XPC: variants seen among roughly 807,000 people sequenced by gnomAD.
The protein encoded by XPC is DNA repair protein complementing XP-C cells.
A neutral mutation model predicts 95.8 loss-of-function variants in XPC; 76 were observed. That is an observed-to-expected ratio of 0.79 (90% CI 0.66 to 0.96). The LOEUF is 0.96. Ranked by LOEUF, XPC falls within the 40% of genes least tolerant of loss-of-function variation. XPC has a pLI of 0.00. For synonymous variants in XPC, 442 were observed against 442.1 expected (o/e 1.00, Z 0.00); for missense variants, 1,146 against 1,179.8 (o/e 0.97, Z 0.42).
chr3:14,159,840 A>G lies in XPC; in HGVS notation c.901-10T>C, dbSNP rs1313586917. The G allele has an allele frequency of 5.2e-6, 8 of 1,550,542 alleles. No homozygotes were observed. Among genetic ancestry groups the G allele is most frequent in the Non-Finnish European group, 7.0e-6 (8 of 1,145,512 alleles). On this transcript the variant is annotated splice_polypyrimidine_tract_variant and intron_variant, in intron 7 of 15. Transcript: ENST00000285021. ...GAATCAGTAAGAATATCTATGATGA[A>G]AAGGAAGAACATAGTTATCCTAAGA...
intron 6 of XPC, 21 bp downstream of exon 6, chr3:14,165,407 A>G: frequency 6.4e-7 from 1 of 1,568,810 alleles, no homozygotes; most frequent in Non-Finnish European, 8.7e-7. Context: ...CCAGCTCTGC[A>G]GGACAAGCGG....
At chr3:14,174,560 G>A (rs1451967399) in intron 1 of XPC, among the ~76,000 whole-genome samples, 2 of 152,112 alleles carry the variant, frequency 1.3e-5, no homozygotes, top group East Asian at 1.9e-4. Flanking sequence ...GGGGATAAAG[G>A]AAACACAAAA....
rs1209221597 is a variant in XPC, at chr3:14,148,557, C to A, written c.2420+5G>T. 6 of 1,613,636 alleles carry A rather than the reference C, an allele frequency of 3.7e-6. No individual in the cohort carries two copies. Among genetic ancestry groups the A allele is most frequent in the Non-Finnish European group, 5.1e-6 (6 of 1,179,786 alleles). ...TTTAGCCTCCATCGAAGGCCCCTCA[C>A]GCACACGGGATGGGAGTAGCCGCCA... On this transcript the variant is annotated splice_donor_5th_base_variant and intron_variant, in intron 13 of 15. Coordinates refer to ENST00000285021, the MANE Select transcript of XPC (RefSeq NM_004628.5).
At chr3:14,155,268 G>A (rs889238777) in intron 10 of XPC, among the ~76,000 whole-genome samples, 3 of 152,182 alleles carry the variant, frequency 2.0e-5, no homozygotes, top group Admixed American at 6.5e-5. Flanking sequence ...GTTTCCCTAC[G>A]CTTCCTTTTT....
rs41545713 is a variant in XPC at position 14,170,547 on chromosome 3, G to A, written c.303C>T (p.Asp101=). The part of the protein sequence containing the change: ...EALSDGDDLR[D]FPSDLKKAHH... ...GTGCCTTCTTGAGGTCACTTGGAAA[G>A]TCCCTGTGTAAAGACCACAGGAAGG... Residue 101 remains aspartate (D), a synonymous_variant, in exon 3 of 16, where the codon GAC becomes GAT. Transcript: ENST00000285021. The A allele has an allele frequency of 2.1e-3, 3,406 of 1,610,506 alleles. 42 individuals carry two copies. The highest frequency in any genetic ancestry group is 0.018 in the South Asian group (1,639 of 90,492).
At chr3:14,155,126 C>T (rs1289872796) in intron 10 of XPC, among the ~76,000 whole-genome samples, 3 of 152,168 alleles carry the variant, frequency 2.0e-5, no homozygotes, top group African/African-American at 7.2e-5. Context: ...TCATGCCCCC[C>T]ACCGACATCA....
chr3:14,158,595 A>G lies in XPC; in HGVS notation c.1288T>C (p.Tyr430His). The G allele has an allele frequency of 1.2e-6, 2 of 1,613,560 alleles. No homozygotes were observed. Among genetic ancestry groups the G allele is most frequent in the East Asian group, 2.2e-5 (1 of 44,800 alleles). Residue 430 changes from tyrosine to histidine, a missense_variant, in exon 9 of 16, where the codon TAT (tyrosine) becomes CAT (histidine). Coordinates refer to ENST00000285021, the MANE Select transcript of XPC (RefSeq NM_004628.5). This position sits in a 1 kb window ranked among gnomAD's most constrained non-coding sequence, Gnocchi z 5.2. The stretch of plus-strand genomic sequence containing the variant: ...TCATCACTCCCACTCTCCTCTTTAT[A>G]AGACACCCTGGAGGCCACCCGCCGC... ...RERRVASRVS[Y>H]KEESGSDEAG...
At chr3:14,172,571 T>C (rs1559384271) in intron 2 of XPC, among the ~76,000 whole-genome samples, 1 of 152,184 alleles carries the variant, frequency 6.6e-6, no homozygotes, top group Non-Finnish European at 1.5e-5. Flanking sequence ...ATATTTTGTA[T>C]ACATCTAATA....
At chr3:14,160,186 C>T (rs2125028721) in intron 7 of XPC, among the ~76,000 whole-genome samples, 1 of 152,138 alleles carries the variant, frequency 6.6e-6, no homozygotes, top group South Asian at 2.1e-4. Context: ...TGCTTTTTTT[C>T]TCTGCTTACC....
chr3:14,161,000 ACCTT>A (rs1696146968), intron 7 of XPC, among the ~76,000 whole-genome samples: 1 of 152,226 alleles, frequency 6.6e-6, no homozygotes, highest in Non-Finnish European at 1.5e-5. Flanking sequence ...CACAGTCACC[ACCTT>A]TAGTAAGAAA....
intron 11 of XPC, 118 bp from the exon 12 acceptor site, chr3:14,149,066 A>C: frequency 7.1e-7 from 1 of 1,406,694 alleles, no homozygotes; most frequent in Non-Finnish European, 9.6e-7. Flanking sequence ...GAACACACCT[A>C]CCAGCTGGGG....
rs367615488 is a variant in XPC, at chr3:14,178,527, G to A, written c.42C>T (p.Arg14=). ...CCTTGGATTTCTGGCTGCGCAGTTCGCGTCCCCGCGGCTCCCCGCCGGCCG... is the reference window on the plus strand; with the variant it reads ...CCTTGGATTTCTGGCTGCGCAGTTCACGTCCCCGCGGCTCCCCGCCGGCCG... ...KRAAGGEPRG[R]ELRSQKSKAK... The change falls in exon 1 of 16, where the codon CGC becomes CGT. Residue 14 remains arginine, a synonymous_variant. Transcript: ENST00000285021. 20 of 1,612,744 alleles carry A rather than the reference G, an allele frequency of 1.2e-5. No individual in the cohort carries two copies. The highest frequency in any genetic ancestry group is 1.6e-5 in the Non-Finnish European group (19 of 1,179,576).
intron 3 of XPC, among the ~76,000 whole-genome samples, chr3:14,169,441 G>A (rs901474463): frequency 7.2e-5 from 11 of 152,164 alleles, no homozygotes; most frequent in Non-Finnish European, 1.6e-4. Context: ...CAAAACAAAA[G>A]ACTAGGATCC....
intron 6 of XPC, 97 bp from the exon 7 acceptor site, chr3:14,165,030 A>T: frequency 6.9e-7 from 1 of 1,457,944 alleles, no homozygotes; most frequent in Non-Finnish European, 9.1e-7. Flanking sequence ...GAATCGTGAG[A>T]CCCGCCTGCC....
At chr3:14,175,704 A>G (rs566331629) in intron 1 of XPC, among the ~76,000 whole-genome samples, 16 of 152,182 alleles carry the variant, frequency 1.1e-4, no homozygotes, top group Admixed American at 3.9e-4. Flanking sequence ...CTTTTCTCCT[A>G]TTTGTCAAAA....
rs1420376645 is a variant in XPC, at chr3:14,168,109, C to CTAAAGG, written c.536+142_536+147dup. ...ACACGAAGGTGTCTCATTCAAGTCT[C>CTAAAGG]TAAAGGTAAATCAGGTTCCTGACCC... On this transcript the variant is annotated intron_variant, in intron 4 of 15. Transcript: ENST00000285021. The CTAAAGG allele has an allele frequency of 2.6e-6, 3 of 1,135,810 alleles. No homozygotes were observed. The African/African-American group carries it at 4.8e-5, about 18-fold the overall frequency. 70.4% of individuals were successfully genotyped at this position (1,135,810 alleles called of 1,614,324 possible).
intron 7 of XPC, among the ~76,000 whole-genome samples, chr3:14,160,672 A>C (rs559051946): frequency 1.3e-5 from 2 of 152,370 alleles, no homozygotes; most frequent in African/African-American, 4.8e-5. Context: ...ATGATGACTA[A>C]ATACAAACTG....
At chr3:14,157,263 ACACT>A (rs1361578547) in intron 9 of XPC, among the ~76,000 whole-genome samples, 1 of 152,124 alleles carries the variant, frequency 6.6e-6, no homozygotes, top group Non-Finnish European at 1.5e-5. Context: ...CCTGGAGCAA[ACACT>A]CAATATGGGA....
At chr3:14,157,919 A>G (rs1232581028) in intron 9 of XPC, 92 bp downstream of exon 9, 11 of 1,473,810 alleles carry the variant, frequency 7.5e-6, no homozygotes, top group Non-Finnish European at 8.2e-6. Context: ...AAAACACCCA[A>G]CATAGTGCTG....
Sources: gnomAD v4.1 joint callset for allele counts (sites outside exome capture counted in the v4.1 genomes callset) on GRCh38, gnomAD v4.1.1 for gene constraint, Gnocchi (gnomAD v3.1) non-coding constraint, MANE v1.5 for transcripts, NCBI Gene and HGNC (gene_info 2026-07-23, HGNC 2026-07-21) for gene names.